SHTN1: variants seen among roughly 807,000 people sequenced by gnomAD.
SHTN1 encodes shootin-1.
SHTN1 carries 42 observed loss-of-function variants against 83.1 expected under a neutral mutation model. The observed-to-expected ratio is 0.51, with a 90% CI of 0.39 to 0.65. The LOEUF is 0.65. Ranked by LOEUF, SHTN1 falls within the 30% of genes least tolerant of loss-of-function variation. The probability of loss-of-function intolerance (pLI) is 0.00; values close to 1 mark genes in which losing one functional copy is unlikely to be tolerated. For missense variants in SHTN1, 622 were observed against 737.8 expected, an observed-to-expected ratio of 0.84 and a Z score of 1.82; for synonymous variants, 224 against 247.7, an observed-to-expected ratio of 0.90 and a Z score of 0.90.
At chr10:117,114,621 T>C (rs1163009441) in intron 1 of SHTN1, among the ~76,000 whole-genome samples, 2 of 152,160 alleles carry the variant, frequency 1.3e-5, no homozygotes. Context: ...GGGTGAAAAC[T>C]ATACACTAGG....
rs564942646 is a variant in SHTN1, at chr10:116,921,420, G to C, written c.1195+14C>G. ...ACACCATCAACCACTTACACCAATA[G>C]AAGTGATGCTTACTTGTTTCTGGTT... On this transcript the variant is annotated intron_variant, in intron 12 of 16. Coordinates refer to ENST00000355371, the MANE Select transcript of SHTN1 (RefSeq NM_001127211.3). 2 of 1,595,380 alleles carry C rather than the reference G, an allele frequency of 1.3e-6. No homozygotes were observed. Among genetic ancestry groups the C allele is most frequent in the African/African-American group, 1.3e-5 (1 of 74,546 alleles).
intron 13 of SHTN1, among the ~76,000 whole-genome samples, chr10:116,914,164 A>G (rs904871134): frequency 3.9e-5 from 6 of 152,170 alleles, no homozygotes; most frequent in Non-Finnish European, 7.3e-5. Flanking sequence ...TGGCTGTGAC[A>G]AAGTGGCAAC....
At chr10:117,005,341 G>C (rs576306807), upstream of SHTN1, 3 of 1,292,404 alleles carry the variant, frequency 2.3e-6, no homozygotes, top group Admixed American at 7.1e-5. Context: ...GAACGAGGGC[G>C]GGTCGGCAGC....
chr10:117,005,154 G>T lies in SHTN1; in HGVS notation c.-75C>A, dbSNP rs1281523492. ...CACACAGGAGGAGGGGGAAGAAAAAGCAAGATGCCGGTGGCTTGCGGCTCC... is the reference window on the plus strand; with the variant it reads ...CACACAGGAGGAGGGGGAAGAAAAATCAAGATGCCGGTGGCTTGCGGCTCC... On this transcript the variant is annotated 5_prime_UTR_variant, in exon 1 of 17. Coordinates refer to ENST00000355371, the MANE Select transcript of SHTN1 (RefSeq NM_001127211.3). 1.5e-5 allele frequency: 23 copies of T among 1,549,864 alleles called. No individual in the cohort carries two copies. The highest frequency in any genetic ancestry group is 1.8e-5 in the Non-Finnish European group (21 of 1,146,700).
At chr10:116,946,459 A>T (rs1321977025) in intron 7 of SHTN1, among the ~76,000 whole-genome samples, 2 of 145,770 alleles carry the variant, frequency 1.4e-5, no homozygotes, top group Admixed American at 7.0e-5. Flanking sequence ...ATGTATATGT[A>T]TATACATATG....
At chr10:116,994,774 C>A (rs1851569054) in intron 1 of SHTN1, among the ~76,000 whole-genome samples, 1 of 151,988 alleles carries the variant, frequency 6.6e-6, no homozygotes, top group Admixed American at 6.6e-5. Context: ...TTTTTACAAA[C>A]CTCCCAAAAT....
intron 2 of SHTN1, among the ~76,000 whole-genome samples, chr10:117,043,561 C>A (rs186688583): frequency 1.3e-5 from 2 of 152,098 alleles, no homozygotes; most frequent in African/African-American, 2.4e-5. Flanking sequence ...GAGAGGGAGG[C>A]CTGGCATGGT....
chr10:116,983,680 ATAGATAAATACATAC>A (rs1424857895), intron 1 of SHTN1, among the ~76,000 whole-genome samples: 17,032 of 49,306 alleles, frequency 0.35, 1,088 homozygotes, highest in Non-Finnish European at 0.47. Context: ...AGATAGATAG[ATAGATAAATACATAC>A]ATACATACAT....
intron 9 of SHTN1, among the ~76,000 whole-genome samples, chr10:116,932,355 C>T (rs998133326): frequency 6.6e-6 from 1 of 152,154 alleles, no homozygotes; most frequent in Non-Finnish European, 1.5e-5. Context: ...GTCACAGAAC[C>T]GCGAACCCTA....
intron 1 of SHTN1, among the ~76,000 whole-genome samples, chr10:117,002,661 A>T (rs2133542134): frequency 6.6e-6 from 1 of 152,338 alleles, no homozygotes; most frequent in Non-Finnish European, 1.5e-5. Context: ...AATTAGTTCT[A>T]CAGGTCAAAC....
chr10:117,035,870 C>G (rs1176747012), intron 2 of SHTN1, among the ~76,000 whole-genome samples: 1 of 133,488 alleles, frequency 7.5e-6, no homozygotes, highest in African/African-American at 2.7e-5. Flanking sequence ...TCGCTTGAAC[C>G]TGGGAGGTGG....
At chr10:116,954,374 T>G (rs1334273860) in intron 4 of SHTN1, among the ~76,000 whole-genome samples, 164 bp from the exon 5 acceptor site, 1 of 150,408 alleles carries the variant, frequency 6.6e-6, no homozygotes, top group East Asian at 1.9e-4. Context: ...TATATTAAAT[T>G]TATTTCTTTA....
intron 2 of SHTN1, among the ~76,000 whole-genome samples, chr10:117,036,629 G>C (rs1292756516): frequency 6.6e-6 from 1 of 152,214 alleles, no homozygotes; most frequent in Non-Finnish European, 1.5e-5. Context: ...TAGAGGCTGG[G>C]AAGAGTAGTG....
intron 2 of SHTN1, among the ~76,000 whole-genome samples, chr10:117,031,804 C>G (rs907051645): frequency 3.3e-5 from 5 of 152,060 alleles, no homozygotes; most frequent in African/African-American, 1.2e-4. Flanking sequence ...ACAAAACCAT[C>G]TTCACTAAAA....
At chr10:116,886,709 C>G in intron 16 of SHTN1, 143 bp from the exon 17 acceptor site, 1 of 1,130,600 alleles carries the variant, frequency 8.8e-7, no homozygotes, top group Non-Finnish European at 1.2e-6. Context: ...GAGATGCCAG[C>G]CATTTAAAAG....
intron 2 of SHTN1, 22 bp downstream of exon 2, chr10:116,979,233 GA>G (rs763526980): frequency 5.4e-5 from 87 of 1,601,774 alleles, no homozygotes; most frequent in South Asian, 3.6e-4. Context: ...TAAGAAAGGG[GA>G]AAAAAAAGGT....
chr10:116,963,401 T>G (rs554285155), intron 3 of SHTN1, among the ~76,000 whole-genome samples: 3 of 152,224 alleles, frequency 2.0e-5, no homozygotes, highest in Admixed American at 6.5e-5. Flanking sequence ...CGTTTAGCTA[T>G]TCATGTAATA....
chr10:116,906,069 A>C (rs896641025), intron 15 of SHTN1, among the ~76,000 whole-genome samples: 9 of 152,254 alleles, frequency 5.9e-5, no homozygotes, highest in African/African-American at 1.9e-4. Flanking sequence ...ATTTTCCTGC[A>C]TTTGTAACTG....
chr10:117,061,478 CT>C (rs1237820102), intron 1 of SHTN1, among the ~76,000 whole-genome samples: 1 of 146,808 alleles, frequency 6.8e-6, no homozygotes, highest in East Asian at 2.1e-4. Context: ...TTTTCTTTTT[CT>C]TTTTTTTGAA....
Sources: allele counts gnomAD v4.1 joint callset (sites outside exome capture counted in the v4.1 genomes callset), GRCh38; gene constraint gnomAD v4.1.1; transcripts MANE v1.5; gene names NCBI Gene and HGNC (gene_info 2026-07-23, HGNC 2026-07-21).